The following OVCH1 variants were observed in gnomAD, a reference collection of about 807,000 sequenced individuals.
OVCH1 encodes ovochymase 1.
A neutral mutation model predicts 138.4 loss-of-function variants in OVCH1; 139 were observed. The observed-to-expected ratio is 1.00, with a 90% confidence interval of 0.87 to 1.16. The LOEUF (loss-of-function observed/expected upper bound fraction) is 1.16. Ranked by LOEUF, OVCH1 falls within the 50% of genes most tolerant of loss-of-function variation. OVCH1 has a pLI of 0.00. For missense variants in OVCH1, 1,367 were observed against 1,357.9 expected, an observed-to-expected ratio of 1.01 and a Z score of -0.11; for synonymous variants, 453 against 467.8, an observed-to-expected ratio of 0.97 and a Z score of 0.41.
intron 19 of OVCH1, 34 bp downstream of exon 19, chr12:29,461,820 T>C: frequency 6.2e-7 from 1 of 1,612,996 alleles, no homozygotes; most frequent in Non-Finnish European, 8.5e-7. Context: ...ATGGCAATTT[T>C]CCACCTTCCT....
chr12:29,497,635 G>C (rs1432557370), exon 1 of OVCH1: 4 of 1,613,924 alleles, frequency 2.5e-6, no homozygotes, highest in Non-Finnish European at 1.7e-6. Flanking sequence ...AGGCTTCTGG[G>C]GTGGCCGATG....
chr12:29,485,160 C>A lies in OVCH1; in HGVS notation c.995+1086G>T, dbSNP rs75127920. On this transcript the variant is annotated intron_variant, in intron 8 of 27. Transcript: ENST00000318184. Reference sequence around the variant, plus strand: ...CTGAGGCGGTTGCATCACTTGAGGTCGGGAGTTTGAGACCAAGCCTGGCCA... The same window carrying A: ...CTGAGGCGGTTGCATCACTTGAGGTAGGGAGTTTGAGACCAAGCCTGGCCA... Among the ~76,000 whole-genome samples, 1,279 of 151,756 alleles carry A rather than the reference C, an allele frequency of 8.4e-3. 20 individuals are homozygous for A. The highest frequency in any genetic ancestry group is 0.03 in the African/African-American group (1,223 of 41,316).
At chr12:29,423,105 A>C (rs541708531), downstream of OVCH1, 39 of 399,870 alleles carry the variant, frequency 9.8e-5, 2 homozygotes, top group South Asian at 7.0e-4. Context: ...GCTTTAATAA[A>C]CATTTTAATG....
At chr12:29,452,311 G>A (rs943685357) in intron 21 of OVCH1, among the ~76,000 whole-genome samples, 7 of 152,158 alleles carry the variant, frequency 4.6e-5, no homozygotes, top group Non-Finnish European at 5.9e-5. Context: ...GAGGAGGTAC[G>A]TAAACATGCT....
intron 3 of OVCH1, among the ~76,000 whole-genome samples, chr12:29,417,471 A>AG (rs1241743546): frequency 5.4e-5 from 8 of 147,716 alleles, no homozygotes; most frequent in Admixed American, 3.4e-4. Flanking sequence ...AAAAAAAAAA[A>AG]AAAAAAAAAA....
At chr12:29,471,706 A>C (rs554288601) in intron 16 of OVCH1, 96 bp downstream of exon 16, 1 of 1,299,718 alleles carries the variant, frequency 7.7e-7, no homozygotes, top group African/African-American at 1.5e-5. Context: ...TTGCTCTAGA[A>C]TTAGTCTGGA....
chr12:29,441,315 A>G (rs914544816), intron 25 of OVCH1, among the ~76,000 whole-genome samples: 6 of 152,148 alleles, frequency 3.9e-5, no homozygotes, highest in South Asian at 4.1e-4. Flanking sequence ...AAATAACGCC[A>G]CATATCTACA....
At chr12:29,405,030 A>AC in the OVCH1 span, among the ~76,000 whole-genome samples, 1 of 88,362 alleles carries the variant, frequency 1.1e-5, no homozygotes, top group Non-Finnish European at 2.4e-5. Context: ...TCAAAAAAAA[A>AC]AAAAAAAAAA....
chr12:29,440,558 C>T, intron 25 of OVCH1: 1 of 321,934 alleles, frequency 3.1e-6, no homozygotes, highest in Non-Finnish European at 6.1e-6. Flanking sequence ...ATTAACATGC[C>T]TTCTCTTATT....
intron 24 of OVCH1, 68 bp downstream of exon 24, chr12:29,444,077 A>G (rs1035158598): frequency 7.6e-5 from 112 of 1,480,750 alleles, no homozygotes; most frequent in Non-Finnish European, 1.0e-4. Context: ...GCAAGTACCA[A>G]GTGTTGATGT....
chr12:29,448,301 A>G lies in OVCH1; in HGVS notation c.2756-2898T>C, dbSNP rs1302062339. Among the ~76,000 whole-genome samples, 7 of 151,326 alleles carry G rather than the reference A, an allele frequency of 4.6e-5. No homozygotes were observed. In the East Asian group the frequency reaches 1.2e-3, roughly 25 times the overall value. ...GTGGCCTAGTTCCTAACAGGCCATG[A>G]GTTGGTAGTGGTCTGCGGCCCGGGG... On this transcript the variant is annotated intron_variant, in intron 22 of 27. Transcript: ENST00000318184.
At chr12:29,494,246 G>C (rs2136095806) in intron 4 of OVCH1, among the ~76,000 whole-genome samples, 1 of 152,224 alleles carries the variant, frequency 6.6e-6, no homozygotes, top group South Asian at 2.1e-4. Flanking sequence ...TCAATCTCTA[G>C]GATCTTAAAG....
rs549382134 is a variant in OVCH1 at position 29,470,140 on chromosome 12, A to T, written c.1856+1662T>A. On this transcript the variant is annotated intron_variant, in intron 16 of 27. Transcript: ENST00000318184. ...AACCAAATGATATACTGCTTTAGGG[A>T]TACATATATGTTAAAATCCCCCAAA... is the stretch of plus-strand genomic sequence containing the variant. 5.4e-4 allele frequency among the ~76,000 whole-genome samples: 83 copies of T among 152,306 alleles called. 1 individual carries two copies. Among genetic ancestry groups the T allele is most frequent in the African/African-American group, 1.6e-3 (68 of 41,568 alleles).
intron 16 of OVCH1, 110 bp downstream of exon 16, chr12:29,471,692 A>T (rs1942512678): frequency 8.1e-7 from 1 of 1,231,198 alleles, no homozygotes; most frequent in African/African-American, 1.6e-5. Flanking sequence ...CTAAAAGAAG[A>T]TTCTTGCTCT....
chr12:29,497,651 C>T, exon 1 of OVCH1: 3 of 1,613,998 alleles, frequency 1.9e-6, no homozygotes, highest in Non-Finnish European at 2.5e-6. Context: ...CGATGACCAG[C>T]AACAGCAACA....
intron 23 of OVCH1, 56 bp downstream of exon 23, chr12:29,445,222 A>G: frequency 1.0e-5 from 15 of 1,492,770 alleles, no homozygotes; most frequent in African/African-American, 1.4e-5. Context: ...ATATTCCTAA[A>G]TAGAGTAATA....
At chr12:29,440,466 C>T (rs1038442681) in intron 25 of OVCH1, 3 of 264,952 alleles carry the variant, frequency 1.1e-5, no homozygotes, top group Non-Finnish European at 2.2e-5. Context: ...CTAAACTCCT[C>T]CAAGCAGCAC....
At chr12:29,410,325 T>G (rs1940938572), downstream of OVCH1, among the ~76,000 whole-genome samples, 1 of 151,216 alleles carries the variant, frequency 6.6e-6, no homozygotes, top group Non-Finnish European at 1.5e-5. Context: ...AGTTAATATT[T>G]TTATGTGTGA....
At chr12:29,490,846 T>C (rs1943253282) in intron 5 of OVCH1, among the ~76,000 whole-genome samples, 1 of 152,208 alleles carries the variant, frequency 6.6e-6, no homozygotes, top group Non-Finnish European at 1.5e-5. Context: ...GCCTTATTCC[T>C]CCTCATCTGT....
Sources: gnomAD v4.1 joint callset for allele counts (sites outside exome capture counted in the v4.1 genomes callset) on GRCh38, gnomAD v4.1.1 for gene constraint, MANE v1.5 for transcripts, NCBI Gene and HGNC (gene_info 2026-07-23, HGNC 2026-07-21) for gene names.